LHX1: variants seen among roughly 807,000 people sequenced by gnomAD.
LHX1 encodes LIM/homeobox protein Lhx1.
LHX1 carries 9 observed loss-of-function variants against 34.1 expected under a neutral mutation model. That is an observed-to-expected ratio of 0.26 (90% CI 0.16 to 0.46). The LOEUF is 0.46. LHX1 is among the 20% of genes least tolerant of loss of function. The pLI is 1.00. For synonymous variants in LHX1, 254 were observed against 241.5 expected, an observed-to-expected ratio of 1.05 and a Z score of -0.48; for missense variants, 446 against 559.1, an observed-to-expected ratio of 0.80 and a Z score of 2.04.
chr17:36,937,058 AAGG>A, upstream of LHX1: 1 of 289,082 alleles, frequency 3.5e-6, no homozygotes, highest in Non-Finnish European at 6.9e-6. Flanking sequence ...AAAAAAAAGG[AAGG>A]AGGCTAGAAA....
rs2070779575 is a variant in LHX1 at position 36,943,195 on chromosome 17, T to TGG, written c.*64_*65insGG. On this transcript the variant is annotated 3_prime_UTR_variant, in exon 5 of 5. Transcript: ENST00000614239. ...GAAATGAACCTTTATTTAAGAAAAA[T>TGG]AGAAAAAAAAAAACATAAAAAGCAA... 2 of 1,139,988 alleles carry TGG rather than the reference T, an allele frequency of 1.8e-6. No homozygotes were observed. The highest frequency in any genetic ancestry group is 2.3e-6 in the Non-Finnish European group (2 of 884,632). 70.6% of individuals were successfully genotyped at this position (1,139,988 alleles called of 1,614,324 possible).
In LHX1 at chr17:36,942,272, G is replaced by C; in HGVS notation, c.748G>C (p.Ala250Pro). The C allele has an allele frequency of 1.3e-6, 2 of 1,598,482 alleles. No homozygotes were observed. Among genetic ancestry groups the C allele is most frequent in the South Asian group, 2.3e-5 (2 of 88,638 alleles). The change falls in exon 4 of 5, where the codon GCC (alanine) becomes CCC (proline). Residue 250 changes from alanine to proline, a missense_variant. Ala to Pro is a conservative substitution (Grantham distance 27). Transcript: ENST00000614239. ...QLSALGARRH[A>P]FFRSPRRMRP... The stretch of plus-strand genomic sequence containing the variant: ...GAGCGCCCTGGGCGCCCGGCGCCAC[G>C]CCTTCTTCCGCAGTCCGCGCCGGAT...
chr17:36,937,167 G>A (rs71380119), upstream of LHX1: 1 of 448,844 alleles, frequency 2.2e-6, no homozygotes. Flanking sequence ...GGCAGACAGA[G>A]CGTGGGCCGA....
chr17:36,941,426 G>C (rs544451882), intron 3 of LHX1: 1 of 329,196 alleles, frequency 3.0e-6, no homozygotes, highest in Non-Finnish European at 6.0e-6. Context: ...TGAAATTTGG[G>C]TATGGGAGCC....
chr17:36,942,076 C>T, intron 3 of LHX1, 124 bp from the exon 4 acceptor site: 5 of 962,682 alleles, frequency 5.2e-6, no homozygotes, highest in East Asian at 2.6e-5. Context: ...ACCCTACACA[C>T]ACACACAAGC....
chr17:36,940,258 C>CCCGGGGGG, intron 1 of LHX1, 32 bp from the exon 2 acceptor site: 1 of 528,898 alleles, frequency 1.9e-6, no homozygotes, highest in Non-Finnish European at 3.3e-6. Context: ...GACCCATCCC[C>CCCGGGGGG]GCCCCCGCCC....
At chr17:36,938,937 G>T (rs544885756) in intron 1 of LHX1, 2 of 235,016 alleles carry the variant, frequency 8.5e-6, no homozygotes, top group East Asian at 2.1e-4. Flanking sequence ...ATGCCTCCGA[G>T]TGCAGACCTG....
chr17:36,942,913 C>T lies in LHX1; in HGVS notation c.1003C>T (p.His335Tyr). 1 of 1,600,654 alleles carries T rather than the reference C, an allele frequency of 6.2e-7. No individual in the cohort carries two copies. Among genetic ancestry groups the T allele is most frequent in the African/African-American group, 1.3e-5 (1 of 74,818 alleles). The change falls in exon 5 of 5, where the codon CAC (histidine) becomes TAC (tyrosine). Residue 335 changes from histidine to tyrosine, a missense_variant. This residue lies in a region of LHX1 where 235 missense variants were observed against 224.4 expected (regional missense o/e 1.05). Transcript: ENST00000614239. Reference sequence around the variant, plus strand: ...CCTGGAGCACCCGCTGCCGGGCCACCACCCGTCGAGCGAGGCGCAGCGGTT... The same window carrying T: ...CCTGGAGCACCCGCTGCCGGGCCACTACCCGTCGAGCGAGGCGCAGCGGTT... ...GGLEHPLPGH[H>Y]PSSEAQRFTD...
In LHX1 at chr17:36,938,204, C is replaced by G; in HGVS notation, c.7C>G (p.His3Asp). 6.2e-7 allele frequency: 1 copy of G among 1,613,806 alleles called. No homozygotes were observed. The highest frequency in any genetic ancestry group is 8.5e-7 in the Non-Finnish European group (1 of 1,180,020). Residue 3 changes from histidine (H) to aspartate (D), a missense_variant, in exon 1 of 5, where the codon CAC (histidine) becomes GAC (aspartate). His to Asp is a moderately conservative substitution (Grantham distance 81). This residue lies in a region of LHX1 where 168 missense variants were observed against 226.6 expected (regional missense o/e 0.74). Transcript: ENST00000614239. The part of the protein sequence containing the change: MV[H>D]CAGCKRPILD... ...TCAGACCAAACCAAAGACCATGGTT[C>G]ACTGTGCCGGCTGCAAAAGGCCCAT...
chr17:36,943,026 C>T lies in LHX1; in HGVS notation c.1116C>T (p.Val372=). Residue 372 remains valine (V), a synonymous_variant, in exon 5 of 5, where the codon GTC becomes GTT. Coordinates refer to ENST00000614239, the MANE Select transcript of LHX1 (RefSeq NM_005568.5). Reference sequence around the variant, plus strand: ...CTCTGCACTCCATGTCGGCCGAGGTCTTCGGACCCAGCCCGCCCTTCTCGT... The same window carrying T: ...CTCTGCACTCCATGTCGGCCGAGGTTTTCGGACCCAGCCCGCCCTTCTCGT... ...PGPLHSMSAE[V]FGPSPPFSSL... is the part of the protein sequence containing the mutation. The T allele has an allele frequency of 6.2e-7, 1 of 1,608,702 alleles. No homozygotes were observed. Among genetic ancestry groups the T allele is most frequent in the Non-Finnish European group, 8.5e-7 (1 of 1,177,002 alleles).
chr17:36,940,863 C>T lies in LHX1; in HGVS notation c.651C>T (p.Thr217=), dbSNP rs767324228. 2 of 1,606,022 alleles carry T rather than the reference C, an allele frequency of 1.2e-6. No individual in the cohort carries two copies. Among genetic ancestry groups the T allele is most frequent in the Non-Finnish European group, 8.5e-7 (1 of 1,177,704 alleles). The stretch of plus-strand genomic sequence containing the variant: ...TCCGCGAGCAGCTGGCGCAGGAGAC[C>T]GGCCTCAACATGCGCGTCATTCAGG... ...RHIREQLAQE[T]GLNMRVIQVW... Residue 217 remains threonine (T), a synonymous_variant, in exon 3 of 5, where the codon ACC becomes ACT. Transcript: ENST00000614239.
At position 36,940,641 on chromosome 17, in the gene LHX1, G is replaced by A. The variant is rs1423567532; in HGVS notation, c.429G>A (p.Pro143=). 1 of 1,613,880 alleles carries A rather than the reference G, an allele frequency of 6.2e-7. No homozygotes were observed. The highest frequency in any genetic ancestry group is 2.2e-5 in the East Asian group (1 of 44,884). ...CGGGCAGTGACCCCAGTTTGTCTCC[G>A]GATTCCCAAGACCCGTCGCAGGACG... The part of the protein sequence containing the change: ...ATTGSDPSLS[P]DSQDPSQDDA... Residue 143 remains proline, a synonymous_variant, in exon 3 of 5, where the codon CCG becomes CCA. Transcript: ENST00000614239.
In LHX1 at chr17:36,940,496, A is replaced by G; in HGVS notation, c.377A>G (p.Lys126Arg). The G allele has an allele frequency of 2.5e-6, 4 of 1,614,002 alleles. No individual in the cohort carries two copies. Among genetic ancestry groups the G allele is most frequent in the Non-Finnish European group, 3.4e-6 (4 of 1,180,032 alleles). ...EDYLSNSSVA[K>R]ENSLHSATTG... Reference sequence around the variant, plus strand: ...TACCTAAGTAACAGCAGTGTTGCCAAAGAGAACAGCCTTCACTCGGGTGAG... The same window carrying G: ...TACCTAAGTAACAGCAGTGTTGCCAGAGAGAACAGCCTTCACTCGGGTGAG... The change falls in exon 2 of 5, where the codon AAA becomes AGA. Residue 126 changes from lysine to arginine, a missense_variant. This residue lies in a region of LHX1 where 168 missense variants were observed against 226.6 expected (regional missense o/e 0.74). Coordinates refer to ENST00000614239, the MANE Select transcript of LHX1 (RefSeq NM_005568.5).
chr17:36,937,338 G>T, upstream of LHX1: 2 of 380,346 alleles, frequency 5.3e-6, no homozygotes, highest in South Asian at 3.7e-5. Context: ...GCCAAGGGCC[G>T]AGGTGACTGG....
Position 36,940,503 on chromosome 17 carries a change from C to G in LHX1, c.384C>G (p.Asn128Lys), listed in dbSNP as rs141677146. The G allele has an allele frequency of 6.2e-7, 1 of 1,613,850 alleles. No individual in the cohort carries two copies. The highest frequency in any genetic ancestry group is 8.5e-7 in the Non-Finnish European group (1 of 1,180,034). ...YLSNSSVAKENSLHSATTGSD... is the reference protein window; with the variant it reads ...YLSNSSVAKEKSLHSATTGSD... Reference sequence around the variant, plus strand: ...GTAACAGCAGTGTTGCCAAAGAGAACAGCCTTCACTCGGGTGAGGCCCCAA... The same window carrying G: ...GTAACAGCAGTGTTGCCAAAGAGAAGAGCCTTCACTCGGGTGAGGCCCCAA... The change falls in exon 2 of 5, where the codon AAC becomes AAG. Residue 128 changes from asparagine to lysine, a missense_variant. Around this residue, in one of 3 missense-constraint regions of LHX1, gnomAD observed 168 missense variants for 226.6 expected, o/e 0.74. Transcript: ENST00000614239.
intron 3 of LHX1, 121 bp from the exon 4 acceptor site, chr17:36,942,079 A>G: frequency 2.0e-6 from 2 of 1,006,990 alleles, no homozygotes; most frequent in Non-Finnish European, 2.9e-6. Flanking sequence ...CTACACACAC[A>G]CACAAGCGCG....
At chr17:36,941,208 C>G (rs1174963488) in intron 3 of LHX1, 2 of 631,166 alleles carry the variant, frequency 3.2e-6, no homozygotes, top group African/African-American at 3.6e-5. Flanking sequence ...TACCCCACCC[C>G]ACCTCGGGTT....
chr17:36,938,143 G>C lies in LHX1; in HGVS notation c.-55G>C. 6.4e-7 allele frequency: 1 copy of C among 1,570,394 alleles called. No individual in the cohort carries two copies. The highest frequency in any genetic ancestry group is 2.3e-4 in the Middle Eastern group (1 of 4,438). On this transcript the variant is annotated 5_prime_UTR_variant, in exon 1 of 5. Coordinates refer to ENST00000614239, the MANE Select transcript of LHX1 (RefSeq NM_005568.5). ...CGATTGTCTTCAGGAGTCATCCCCT[G>C]GGCTCTACTTTGCCCCTCTCTCTCT...
chr17:36,940,176 C>T (rs2070754780), intron 1 of LHX1, 114 bp from the exon 2 acceptor site: 3 of 685,680 alleles, frequency 4.4e-6, no homozygotes, highest in Non-Finnish European at 7.7e-6. Flanking sequence ...TCTCCTACTT[C>T]CTCCACTTTT....
Sources: gnomAD v4.1 joint callset for allele counts on GRCh38, gnomAD v4.1.1 for gene constraint, gnomAD v4.1.1 regional missense constraint, MANE v1.5 for transcripts, NCBI Gene and HGNC (gene_info 2026-07-23, HGNC 2026-07-21) for gene names.